Variants in ACSM4 observed in about 807,000 individuals in gnomAD.
The protein encoded by ACSM4 is acyl-CoA synthetase medium chain family member 4.
ACSM4 carries 66 observed loss-of-function variants against 73.0 expected under a neutral mutation model. The observed-to-expected ratio is 0.90, with a 90% CI of 0.74 to 1.11. The LOEUF is 1.11. ACSM4 is among the 50% of genes least tolerant of loss of function. The probability of loss-of-function intolerance (pLI) is 0.00; values close to 1 mark genes in which losing one functional copy is unlikely to be tolerated. For synonymous variants in ACSM4, 222 were observed against 254.0 expected (o/e 0.87, Z 1.20); for missense variants, 645 against 714.4 (o/e 0.90, Z 1.11).
intron 11 of ACSM4, 115 bp downstream of exon 11, chr12:7,324,713 T>C (rs1236548209): frequency 4.4e-6 from 5 of 1,123,780 alleles, no homozygotes; most frequent in African/African-American, 3.1e-5. Flanking sequence ...TTATGAAGCA[T>C]GCATTTGGCC....
chr12:7,325,052 G>C (rs1946494058), intron 11 of ACSM4, among the ~76,000 whole-genome samples: 1 of 152,176 alleles, frequency 6.6e-6, no homozygotes, highest in Admixed American at 6.5e-5. Flanking sequence ...GAAGGATACA[G>C]CTCTGTTTTC....
chr12:7,306,801 G>T, intron 2 of ACSM4, 58 bp downstream of exon 2: 1 of 1,421,622 alleles, frequency 7.0e-7, no homozygotes, highest in Non-Finnish European at 9.6e-7. Context: ...GAAACTCAAT[G>T]GTTTTCTGAA....
In ACSM4 at chr12:7,320,785, G is replaced by C; in HGVS notation, c.982G>C (p.Val328Leu). Residue 328 changes from valine (V) to leucine (L), a missense_variant, in exon 6 of 13, where the codon GTG (valine) becomes CTG (leucine). Val to Leu is a conservative substitution (Grantham distance 32). Coordinates refer to ENST00000399422, the MANE Select transcript of ACSM4 (RefSeq NM_001080454.2). ...CSPPTVYRML[V>L]QKDLKRYKFK... ...TCCTCCCACTGTGTACCGGATGCTCGTGCAAAAAGACCTTAAGAGGTACTT... is the reference window on the plus strand; with the variant it reads ...TCCTCCCACTGTGTACCGGATGCTCCTGCAAAAAGACCTTAAGAGGTACTT... The C allele has an allele frequency of 6.2e-7, 1 of 1,613,328 alleles. No individual in the cohort carries two copies. Among genetic ancestry groups the C allele is most frequent in the Non-Finnish European group, 8.5e-7 (1 of 1,179,502 alleles).
chr12:7,314,467 T>A (rs748840637), intron 3 of ACSM4, among the ~76,000 whole-genome samples: 4 of 152,294 alleles, frequency 2.6e-5, no homozygotes, highest in South Asian at 4.1e-4. Context: ...AATCTTCCTG[T>A]CACTCACAGA....
chr12:7,326,567 A>G (rs1039051293), intron 11 of ACSM4, among the ~76,000 whole-genome samples: 3 of 152,094 alleles, frequency 2.0e-5, no homozygotes, highest in Admixed American at 1.3e-4. Context: ...AGACCCTCCA[A>G]ACTGCTTTGA....
At chr12:7,327,448 AC>A (rs1330401919) in intron 12 of ACSM4, among the ~76,000 whole-genome samples, 8 of 152,128 alleles carry the variant, frequency 5.3e-5, no homozygotes. Context: ...TATCCCTAAT[AC>A]CCCTATAAAT....
chr12:7,310,991 C>A (rs1946387472), intron 3 of ACSM4, among the ~76,000 whole-genome samples: 1 of 151,974 alleles, frequency 6.6e-6, no homozygotes, highest in Non-Finnish European at 1.5e-5. Flanking sequence ...CGTAGTGAAA[C>A]CCCGTCTCTA....
chr12:7,325,479 T>C (rs1472488388), intron 11 of ACSM4, among the ~76,000 whole-genome samples: 2 of 152,160 alleles, frequency 1.3e-5, no homozygotes, highest in Non-Finnish European at 2.9e-5. Context: ...AAACCCTGTC[T>C]CTACTAAAAA....
In ACSM4 at chr12:7,306,658, T is replaced by C. The variant is rs1466663711; in HGVS notation, c.327T>C (p.Cys109=). Residue 109 remains cysteine (C), a synonymous_variant, in exon 2 of 13, where the codon TGT becomes TGC. Transcript: ENST00000399422. ...RKAANVLTKP[C]GLQRGDRLAV... is the part of the protein sequence containing the mutation. Reference sequence around the variant, plus strand: ...CTGCCAACGTGCTCACCAAGCCCTGTGGCCTGCAGAGAGGAGACCGTTTGG... The same window carrying C: ...CTGCCAACGTGCTCACCAAGCCCTGCGGCCTGCAGAGAGGAGACCGTTTGG... 1.2e-6 allele frequency: 2 copies of C among 1,610,576 alleles called. No individual in the cohort carries two copies. The highest frequency in any genetic ancestry group is 3.4e-5 in the Admixed American group (2 of 59,602).
In ACSM4 at chr12:7,309,662, G is replaced by A. The variant is rs576929678; in HGVS notation, c.413-877G>A. ...AAGTGACCCTCCTGCCTTGGCCACC[G>A]AATGCACTGGGATTACAGGTGTGAG... On this transcript the variant is annotated intron_variant, in intron 2 of 12. Coordinates refer to ENST00000399422, the MANE Select transcript of ACSM4 (RefSeq NM_001080454.2). 1.6e-3 allele frequency among the ~76,000 whole-genome samples: 248 copies of A among 151,956 alleles called. 1 individual carries two copies. The highest frequency in any genetic ancestry group is 3.2e-3 in the Non-Finnish European group (219 of 67,932).
At chr12:7,305,801 G>A (rs1946358570) in intron 1 of ACSM4, among the ~76,000 whole-genome samples, 1 of 152,204 alleles carries the variant, frequency 6.6e-6, no homozygotes, top group South Asian at 2.1e-4. Context: ...GTATTTGCCA[G>A]CCAGAGAAGA....
rs1946447155 is a variant in ACSM4 at position 7,319,953 on chromosome 12, ATAAT to A, written c.922-769_922-766del. ...GGTGTATACATTACACTTTCTAAAAATAATTAGACTCTGCGGAGCAGATACACAT... is the reference window on the plus strand; with the variant it reads ...GGTGTATACATTACACTTTCTAAAAATAGACTCTGCGGAGCAGATACACAT... On this transcript the variant is annotated intron_variant, in intron 5 of 12. Coordinates refer to ENST00000399422, the MANE Select transcript of ACSM4 (RefSeq NM_001080454.2). 2.0e-5 allele frequency among the ~76,000 whole-genome samples: 3 copies of A among 152,348 alleles called. No individual in the cohort carries two copies. In the South Asian group the frequency reaches 6.2e-4, roughly 32 times the overall value.
Position 7,317,208 on chromosome 12 carries a change from G to A in ACSM4, c.692G>A (p.Gly231Glu). Reference sequence around the variant, plus strand: ...CCAATGACCATTTATTTCACCAGTGGGACCACAGGCTTTCCTAAAATGGCC... The same window carrying A: ...CCAATGACCATTTATTTCACCAGTGAGACCACAGGCTTTCCTAAAATGGCC... The part of the protein sequence containing the change: ...QEPMTIYFTS[G>E]TTGFPKMAQH... The change falls in exon 4 of 13, where the codon GGG (glycine) becomes GAG (glutamate). Residue 231 changes from glycine (G) to glutamate (E), a missense_variant. Gly to Glu is a moderately conservative substitution (Grantham distance 98, BLOSUM62 -2). Coordinates refer to ENST00000399422, the MANE Select transcript of ACSM4 (RefSeq NM_001080454.2). 1 of 1,611,120 alleles carries A rather than the reference G, an allele frequency of 6.2e-7. No individual in the cohort carries two copies. Among genetic ancestry groups the A allele is most frequent in the Non-Finnish European group, 8.5e-7 (1 of 1,178,818 alleles).
intron 1 of ACSM4, 97 bp from the exon 2 acceptor site, chr12:7,306,436 C>A: frequency 8.3e-7 from 1 of 1,205,776 alleles, no homozygotes; most frequent in Non-Finnish European, 1.2e-6. Flanking sequence ...CAGAATGCAC[C>A]AGAACCAGTG....
chr12:7,321,176 C>T (rs1946460913), intron 6 of ACSM4, among the ~76,000 whole-genome samples: 1 of 151,932 alleles, frequency 6.6e-6, no homozygotes. Context: ...AGAACTCCCA[C>T]TCAAAAAAAA....
chr12:7,306,709 G>A lies in ACSM4; in HGVS notation c.378G>A (p.Glu126=). Residue 126 remains glutamate (E), a synonymous_variant, in exon 2 of 13, where the codon GAG becomes GAA. Transcript: ENST00000399422. ...CCGTGATTCTGCCCAGAATCCCTGA[G>A]TGGTGGCTGGTCAATGTAGCTTGCA... ...RLAVILPRIP[E]WWLVNVACIR... 1 of 1,611,480 alleles carries A rather than the reference G, an allele frequency of 6.2e-7. No homozygotes were observed. Among genetic ancestry groups the A allele is most frequent in the East Asian group, 2.2e-5 (1 of 44,704 alleles).
intron 2 of ACSM4, among the ~76,000 whole-genome samples, chr12:7,308,792 A>C (rs1004492044): frequency 5.3e-5 from 8 of 152,232 alleles, no homozygotes; most frequent in African/African-American, 1.9e-4. Flanking sequence ...CATAAAATAA[A>C]ATCTCCTTCC....
At chr12:7,322,374 C>T in intron 6 of ACSM4, 44 bp from the exon 7 acceptor site, 1 of 1,611,836 alleles carries the variant, frequency 6.2e-7, no homozygotes, top group Non-Finnish European at 8.5e-7. Flanking sequence ...AGTGAAAGCA[C>T]TCAGGTTCCT....
intron 11 of ACSM4, among the ~76,000 whole-genome samples, chr12:7,326,184 G>A (rs1162129498): frequency 6.6e-6 from 1 of 152,122 alleles, no homozygotes; most frequent in Non-Finnish European, 1.5e-5. Flanking sequence ...AATCCTTCCT[G>A]AGAGGTTTTT....
Sources: allele counts gnomAD v4.1 joint callset (sites outside exome capture counted in the v4.1 genomes callset), GRCh38; gene constraint gnomAD v4.1.1; transcripts MANE v1.5; gene names NCBI Gene and HGNC (gene_info 2026-07-23, HGNC 2026-07-21).